Variants in CER1 observed in about 807,000 individuals in gnomAD.
CER1 encodes the protein cerberus 1, DAN family BMP antagonist.
In CER1, 10 loss-of-function variants were observed where a neutral mutation model predicts 11.8. That is an observed-to-expected ratio of 0.85 (90% CI 0.52 to 1.44). The LOEUF is 1.44. CER1 is among the 40% of genes most tolerant of loss of function. The probability of loss-of-function intolerance (pLI) is 0.00; values close to 1 mark genes in which losing one functional copy is unlikely to be tolerated. For synonymous variants in CER1, 141 were observed against 122.3 expected (o/e 1.15, Z -1.01); for missense variants, 431 against 327.0 (o/e 1.32, Z -2.45).
At chr9:14,719,471 A>T (rs903279537), downstream of CER1, among the ~76,000 whole-genome samples, 3 of 152,084 alleles carry the variant, frequency 2.0e-5, no homozygotes, top group African/African-American at 7.2e-5. Flanking sequence ...AGTAACTATA[A>T]GTATGAGAAT....
chr9:14,718,461 T>G (rs1326371000), downstream of CER1, among the ~76,000 whole-genome samples: 3 of 152,206 alleles, frequency 2.0e-5, no homozygotes, highest in Non-Finnish European at 2.9e-5. Flanking sequence ...TGATAATATA[T>G]TCCAATGTAA....
intron 1 of CER1, among the ~76,000 whole-genome samples, chr9:14,720,836 T>C (rs1282637798): frequency 6.6e-6 from 1 of 152,194 alleles, no homozygotes; most frequent in African/African-American, 2.4e-5. Context: ...TTTAATTCTA[T>C]CCTATTCTGC....
downstream of CER1, among the ~76,000 whole-genome samples, chr9:14,719,465 A>T (rs1014705959): frequency 6.6e-6 from 1 of 152,048 alleles, no homozygotes; most frequent in African/African-American, 2.4e-5. Context: ...TGCAAAAGTA[A>T]CTATAAGTAT....
chr9:14,718,276 C>A (rs1223627452), downstream of CER1, among the ~76,000 whole-genome samples: 1 of 152,056 alleles, frequency 6.6e-6, no homozygotes, highest in Admixed American at 6.6e-5. Flanking sequence ...AAGGACAGTC[C>A]AATTGGCAGA....
At chr9:14,721,689 T>C (rs1050946071) in intron 1 of CER1, among the ~76,000 whole-genome samples, 5 of 152,124 alleles carry the variant, frequency 3.3e-5, no homozygotes, top group African/African-American at 1.2e-4. Flanking sequence ...CGTAAATGGA[T>C]ATGAGAGTAT....
At chr9:14,721,663 T>C (rs1840014187) in intron 1 of CER1, among the ~76,000 whole-genome samples, 1 of 152,162 alleles carries the variant, frequency 6.6e-6, no homozygotes. Context: ...GTATGGACTA[T>C]GGGGATTAAG....
chr9:14,719,981 G>A lies in CER1; in HGVS notation c.*109C>T. On this transcript the variant is annotated 3_prime_UTR_variant, in exon 2 of 2. Transcript: ENST00000380911. ...GTTCTAATTTAAAACTACGTTTCAAGTCACCTTTCCCTGAAAATGTTATGT... is the reference window on the plus strand; with the variant it reads ...GTTCTAATTTAAAACTACGTTTCAAATCACCTTTCCCTGAAAATGTTATGT... The A allele has an allele frequency of 9.9e-7, 1 of 1,007,690 alleles. No individual in the cohort carries two copies. Among genetic ancestry groups the A allele is most frequent in the Non-Finnish European group, 1.5e-6 (1 of 669,802 alleles). 62.4% of individuals were successfully genotyped at this position (1,007,690 alleles called of 1,614,324 possible). A position where few individuals can be genotyped will look rare whatever the true frequency, so the allele number is the denominator to read the frequency against.
rs1839985190 is a variant in CER1 at position 14,720,005 on chromosome 9, G to GT, written c.*84dup. Reference sequence around the variant, plus strand: ...AGTCACCTTTCCCTGAAAATGTTATGTACCCACTTAACATTTTCAGACTGA... The same window carrying GT: ...AGTCACCTTTCCCTGAAAATGTTATGTTACCCACTTAACATTTTCAGACTGA... On this transcript the variant is annotated 3_prime_UTR_variant, in exon 2 of 2. Transcript: ENST00000380911. 7.9e-7 allele frequency: 1 copy of GT among 1,273,640 alleles called. No individual in the cohort carries two copies. The highest frequency in any genetic ancestry group is 1.1e-6 in the Non-Finnish European group (1 of 890,414). 78.9% of individuals were successfully genotyped at this position (1,273,640 alleles called of 1,614,324 possible). A position where few individuals can be genotyped will look rare whatever the true frequency, so the allele number is the denominator to read the frequency against.
At chr9:14,717,984 T>C (rs1312220321), downstream of CER1, among the ~76,000 whole-genome samples, 1 of 152,174 alleles carries the variant, frequency 6.6e-6, no homozygotes, top group African/African-American at 2.4e-5. Context: ...AATATTTGTG[T>C]TTTTCCTCTT....
downstream of CER1, among the ~76,000 whole-genome samples, chr9:14,719,561 G>GCCTTCCTTCCTTCCTTCCTT (rs1229695964): frequency 3.2e-5 from 2 of 62,534 alleles, no homozygotes; most frequent in Non-Finnish European, 6.6e-5. Flanking sequence ...CTGCCTGCCT[G>GCCTTCCTTCCTTCCTTCCTT]CCTTCCTTCC....
chr9:14,719,553 GCCTGCCTGCCTTCCTTCCTTCCTTCCTT>G (rs1371939352), downstream of CER1, among the ~76,000 whole-genome samples: 78 of 125,558 alleles, frequency 6.2e-4, 1 homozygote, highest in African/African-American at 2.1e-3. Context: ...CTGCCTGCCT[GCCTGCCTGCCTTCCTTCCTTCCTTCCTT>G]CCTTCCTTCC....
At chr9:14,719,527 GTGCCTGCCTGCCTGCCTGCCTGCCTGCC>G (rs796774315), downstream of CER1, among the ~76,000 whole-genome samples, 18 of 120,996 alleles carry the variant, frequency 1.5e-4, no homozygotes, top group African/African-American at 5.6e-4. Flanking sequence ...GCCTGCCTGC[GTGCCTGCCTGCCTGCCTGCCTGCCTGCC>G]TGCCTGCCTT....
downstream of CER1, among the ~76,000 whole-genome samples, chr9:14,718,980 A>G (rs1839969001): frequency 6.6e-6 from 1 of 152,038 alleles, no homozygotes; most frequent in Non-Finnish European, 1.5e-5. Flanking sequence ...AATGCTTCAT[A>G]TACTAAAATT....
Position 14,722,174 on chromosome 9 carries a change from A to G in CER1, c.499T>C (p.Phe167Leu), listed in dbSNP as rs148999328. The change falls in exon 1 of 2, where the codon TTC becomes CTC. Residue 167 changes from phenylalanine to leucine, a missense_variant. Transcript: ENST00000380911. ...CCCCCCAGAACACATACCTGGCTGA[A>G]GGGCACTGTCCTGCAGGTCTCCCAA... The part of the protein sequence containing the change: ...VHWETCRTVP[F>L]SQTITHEGCE... The G allele has an allele frequency of 3.2e-5, 51 of 1,613,046 alleles. No individual in the cohort carries two copies. The African/African-American group carries it at 6.7e-4, about 21-fold the overall frequency.
At position 14,722,219 on chromosome 9, in the gene CER1, T is replaced by C. The variant is rs1258891996; in HGVS notation, c.454A>G (p.Ile152Val). Residue 152 changes from isoleucine (I) to valine (V), a missense_variant, in exon 1 of 2, where the codon ATC (isoleucine) becomes GTC (valine). Coordinates refer to ENST00000380911, the MANE Select transcript of CER1 (RefSeq NM_005454.3). The part of the protein sequence containing the change: ...TPASQGVILP[I>V]KSHEVHWETC... ...TCCCAATGTACTTCATGGCTTTTGA[T>C]GGGCAAGATGACCCCCTGAGAAGCC... The C allele has an allele frequency of 1.2e-6, 2 of 1,614,244 alleles. No homozygotes were observed. The highest frequency in any genetic ancestry group is 1.7e-6 in the Non-Finnish European group (2 of 1,180,042).
chr9:14,721,408 A>G (rs1459382696), intron 1 of CER1, among the ~76,000 whole-genome samples: 1 of 152,210 alleles, frequency 6.6e-6, no homozygotes, highest in Non-Finnish European at 1.5e-5. Flanking sequence ...ATAACTACAA[A>G]TCAGCCAACA....
downstream of CER1, among the ~76,000 whole-genome samples, chr9:14,718,642 T>C (rs1410057801): frequency 6.6e-6 from 1 of 152,158 alleles, no homozygotes; most frequent in African/African-American, 2.4e-5. Flanking sequence ...TTCTGGGAAA[T>C]GTGTGTATGT....
downstream of CER1, among the ~76,000 whole-genome samples, chr9:14,719,557 G>GCCTTCCTTCCTT (rs1303155684): frequency 1.3e-3 from 96 of 76,510 alleles, no homozygotes; most frequent in Middle Eastern, 6.2e-3. Flanking sequence ...CTGCCTGCCT[G>GCCTTCCTTCCTT]CCTGCCTTCC....
Position 14,722,532 on chromosome 9 carries a change from A to C in CER1, c.141T>G (p.His47Gln), listed in dbSNP as rs202060597. Residue 47 changes from histidine to glutamine, a missense_variant, in exon 1 of 2, where the codon CAT becomes CAG. By Grantham distance (24) the His-to-Gln change is conservative. Transcript: ENST00000380911. ...RNQRELPTGN[H>Q]EEAEEKPDLF... is the part of the protein sequence containing the mutation. ...GATCTGGCTTCTCCTCAGCTTCCTC[A>C]TGGTTGCCTGTGGGAAGCTCTCTTT... The C allele has an allele frequency of 1.5e-5, 24 of 1,613,978 alleles. No individual in the cohort carries two copies. The highest frequency in any genetic ancestry group is 2.0e-5 in the Non-Finnish European group (24 of 1,180,038).
Sources: allele counts gnomAD v4.1 joint callset (sites outside exome capture counted in the v4.1 genomes callset), GRCh38; gene constraint gnomAD v4.1.1; transcripts MANE v1.5; gene names NCBI Gene and HGNC (gene_info 2026-07-23, HGNC 2026-07-21).